TRAP1: variants seen among roughly 807,000 people sequenced by gnomAD.
The protein encoded by TRAP1 is TNF receptor associated protein 1.
In TRAP1, 102 loss-of-function variants were observed where a neutral mutation model predicts 89.1. The ratio of observed to expected loss-of-function variants is 1.15; its 90% CI spans 0.98 to 1.35. TRAP1 has a LOEUF of 1.35. TRAP1 is among the 40% of genes most tolerant of loss of function. TRAP1 has a pLI of 0.00. For synonymous variants in TRAP1, 508 were observed against 388.0 expected, an observed-to-expected ratio of 1.31 and a Z score of -3.64; for missense variants, 1,256 against 945.3, an observed-to-expected ratio of 1.33 and a Z score of -4.31.
chr16:3,677,318 G>C (rs555904662), intron 6 of TRAP1, among the ~76,000 whole-genome samples, 180 bp downstream of exon 6: 2 of 152,084 alleles, frequency 1.3e-5, no homozygotes, highest in Non-Finnish European at 2.9e-5. Context: ...GACCAGACAG[G>C]TGCCATAGGC....
intron 1 of TRAP1, among the ~76,000 whole-genome samples, chr16:3,703,317 T>G (rs2051394136): frequency 6.6e-6 from 1 of 151,548 alleles, no homozygotes. Flanking sequence ...TGCTACATAC[T>G]CACAAGCGGA....
In TRAP1 at chr16:3,686,060, T is replaced by G; in HGVS notation, c.407A>C (p.Gln136Pro). 6.2e-7 allele frequency: 1 copy of G among 1,614,086 alleles called. No homozygotes were observed. Among genetic ancestry groups the G allele is most frequent in the Non-Finnish European group, 8.5e-7 (1 of 1,180,006 alleles). Residue 136 changes from glutamine (Q) to proline (P), a missense_variant, in exon 4 of 18, where the codon CAA becomes CCA. Coordinates refer to ENST00000246957, the MANE Select transcript of TRAP1 (RefSeq NM_016292.3). The stretch of plus-strand genomic sequence containing the variant: ...GTGAATCTCCATTTCTGGCAGTGCT[T>G]GGCCGTCAGACACCAGTTTGTGACG... The part of the protein sequence containing the change: ...KLRHKLVSDG[Q>P]ALPEMEIHLQ...
chr16:3,671,311 G>A lies in TRAP1; in HGVS notation c.1235+411C>T, dbSNP rs118110837. Among the ~76,000 whole-genome samples, 51 of 152,356 alleles carry A rather than the reference G, an allele frequency of 3.3e-4. No homozygotes were observed. In the East Asian group the frequency reaches 9.3e-3, roughly 28 times the overall value. ...AGGGGAAAAAAAGCCAGTAAGCGAGGTTTTGAATAAAGACTATTTGGTGAG... is the reference window on the plus strand; with the variant it reads ...AGGGGAAAAAAAGCCAGTAAGCGAGATTTTGAATAAAGACTATTTGGTGAG... On this transcript the variant is annotated intron_variant, in intron 11 of 17. Coordinates refer to ENST00000246957, the MANE Select transcript of TRAP1 (RefSeq NM_016292.3).
At chr16:3,701,689 G>C (rs1039358888) in intron 1 of TRAP1, among the ~76,000 whole-genome samples, 3 of 152,150 alleles carry the variant, frequency 2.0e-5, no homozygotes, top group Non-Finnish European at 4.4e-5. Flanking sequence ...CACGAGCTAT[G>C]TAGTGAGTAA....
chr16:3,664,366 C>A lies in TRAP1; in HGVS notation c.1477G>T (p.Gly493Cys), dbSNP rs147135526. The A allele has an allele frequency of 1.2e-6, 2 of 1,612,752 alleles. No homozygotes were observed. The highest frequency in any genetic ancestry group is 1.7e-6 in the Non-Finnish European group (2 of 1,179,580). The stretch of plus-strand genomic sequence containing the variant: ...CACAGGTAGTAGATGTTGCGGGTGC[C>A]GGCCCGCATGCGGCTGGCGTATTCT... ...LSEYASRMRA[G>C]TRNIYYLCAP... The change falls in exon 13 of 18, where the codon GGC becomes TGC. Residue 493 changes from glycine to cysteine, a missense_variant. By Grantham distance (159) the Gly-to-Cys change is radical (BLOSUM62 -3). Transcript: ENST00000246957.
intron 3 of TRAP1, among the ~76,000 whole-genome samples, chr16:3,686,537 G>A (rs1022713733): frequency 3.9e-5 from 6 of 152,140 alleles, no homozygotes; most frequent in African/African-American, 1.4e-4. Context: ...GGCTGGTCTT[G>A]ATCTCCCAGG....
At chr16:3,693,317 A>G (rs2051241390) in intron 1 of TRAP1, among the ~76,000 whole-genome samples, 1 of 152,160 alleles carries the variant, frequency 6.6e-6, no homozygotes, top group African/African-American at 2.4e-5. Flanking sequence ...AAAGTATTCA[A>G]ATTCCAAACC....
rs552304525 is a variant in TRAP1, at chr16:3,708,128, G to A, written c.88+9293C>T. Among the ~76,000 whole-genome samples, 38 of 152,032 alleles carry A rather than the reference G, an allele frequency of 2.5e-4. 1 individual carries two copies. The South Asian group carries it at 7.9e-3, about 32-fold the overall frequency. On this transcript the variant is annotated intron_variant, in intron 1 of 17. Coordinates refer to ENST00000246957, the MANE Select transcript of TRAP1 (RefSeq NM_016292.3). ...CAGGAGTATCACTTGAGTCCAGGAG[G>A]TCAGGCCTGCAGCGAGCCAGGATCG...
chr16:3,701,094 A>G (rs2051359152), intron 1 of TRAP1, among the ~76,000 whole-genome samples: 1 of 152,228 alleles, frequency 6.6e-6, no homozygotes, highest in African/African-American at 2.4e-5. Context: ...ACTTAAGACA[A>G]ATGAATGGAA....
At chr16:3,706,001 C>CTTT (rs35811682) in intron 1 of TRAP1, among the ~76,000 whole-genome samples, 1 of 141,890 alleles carries the variant, frequency 7.0e-6, no homozygotes, top group African/African-American at 2.6e-5. Flanking sequence ...CCCTTTTTTT[C>CTTT]TTTTTTTTTT....
At chr16:3,682,803 C>G (rs147919066) in intron 4 of TRAP1, among the ~76,000 whole-genome samples, 12 of 151,546 alleles carry the variant, frequency 7.9e-5, no homozygotes, top group Non-Finnish European at 1.8e-4. Flanking sequence ...AAGGCTGCAG[C>G]GAACCCTGAT....
chr16:3,683,533 ACAC>A (rs1166621018), intron 4 of TRAP1, among the ~76,000 whole-genome samples: 6 of 151,628 alleles, frequency 4.0e-5, no homozygotes, highest in Admixed American at 6.6e-5. Flanking sequence ...TTACAGGTGC[ACAC>A]CACCACATCT....
intron 1 of TRAP1, among the ~76,000 whole-genome samples, chr16:3,693,262 C>T (rs1299658950): frequency 1.3e-5 from 2 of 152,064 alleles, no homozygotes; most frequent in Non-Finnish European, 2.9e-5. Context: ...CCTAGCCTGT[C>T]TTTATCTCTA....
chr16:3,674,264 T>G, intron 9 of TRAP1, 75 bp downstream of exon 9: 1 of 1,559,978 alleles, frequency 6.4e-7, no homozygotes, highest in South Asian at 1.2e-5. Flanking sequence ...GTTAATCATG[T>G]GACATCTGCA....
intron 11 of TRAP1, among the ~76,000 whole-genome samples, chr16:3,666,471 G>C (rs1351462436): frequency 6.6e-6 from 1 of 151,922 alleles, no homozygotes; most frequent in Non-Finnish European, 1.5e-5. Context: ...TATGTACCAG[G>C]ATTTTCACTG....
chr16:3,702,123 G>A (rs571234070), intron 1 of TRAP1, among the ~76,000 whole-genome samples: 23 of 149,536 alleles, frequency 1.5e-4, no homozygotes, highest in South Asian at 1.5e-3. Flanking sequence ...ACTCCATCTC[G>A]GGCGGGGGAA....
rs1485221082 is a variant in TRAP1 at position 3,676,068 on chromosome 16, C to T, written c.782G>A (p.Cys261Tyr). 1.2e-6 allele frequency: 2 copies of T among 1,613,948 alleles called. No individual in the cohort carries two copies. The highest frequency in any genetic ancestry group is 1.1e-5 in the South Asian group (1 of 91,032). Residue 261 changes from cysteine to tyrosine, a missense_variant, in exon 7 of 18, where the codon TGC becomes TAC. Cys to Tyr is a radical substitution (Grantham distance 194, BLOSUM62 -2). Transcript: ENST00000246957. Reference protein sequence around the residue: ...TKIIIHLKSDCKEFSSEARVR... With the variant: ...TKIIIHLKSDYKEFSSEARVR... ...CCGGGCCTCGCTGGAAAACTCCTTG[C>T]AGTCGGATTTCAGGTGGATGATGAT...
rs149420453 is a variant in TRAP1, at chr16:3,666,312, G to C, written c.1236-194C>G. Among the ~76,000 whole-genome samples the C allele has an allele frequency of 1.7e-4, 26 of 152,224 alleles. 1 individual carries two copies. Among genetic ancestry groups the C allele is most frequent in the Admixed American group, 3.9e-4 (6 of 15,294 alleles). On this transcript the variant is annotated intron_variant, in intron 11 of 17. Transcript: ENST00000246957. ...GCAGTGGCCGGACAGGAGGCAGCAG[G>C]GTGGAGGGCAGACACCCCCTGGAGG... is the stretch of plus-strand genomic sequence containing the variant.
chr16:3,691,919 G>A (rs1040809633), intron 1 of TRAP1, among the ~76,000 whole-genome samples: 2 of 152,120 alleles, frequency 1.3e-5, no homozygotes, highest in South Asian at 2.1e-4. Context: ...GCCCAGCGAG[G>A]GAGGAAAGCA....
Sources: gnomAD v4.1 joint callset for allele counts (sites outside exome capture counted in the v4.1 genomes callset) on GRCh38, gnomAD v4.1.1 for gene constraint, MANE v1.5 for transcripts, NCBI Gene and HGNC (gene_info 2026-07-23, HGNC 2026-07-21) for gene names.